Variants in KCNH7 observed in about 807,000 individuals in gnomAD.
The protein encoded by KCNH7 is potassium voltage-gated channel subfamily H member 7.
Under a neutral mutation model 120.8 loss-of-function variants are expected in KCNH7, and 49 were observed. The observed-to-expected ratio is 0.41, with a 90% CI of 0.32 to 0.51. The LOEUF is 0.51. Ranked by LOEUF, KCNH7 falls within the 20% of genes least tolerant of loss-of-function variation. The pLI, the probability that KCNH7 is intolerant of heterozygous loss-of-function variation, is 0.38. For synonymous variants in KCNH7, 547 were observed against 516.1 expected (o/e 1.06, Z -0.81); for missense variants, 1,097 against 1,446.6 (o/e 0.76, Z 3.92).
At chr2:162,436,216 C>A (rs944752553) in intron 7 of KCNH7, among the ~76,000 whole-genome samples, 1 of 152,034 alleles carries the variant, frequency 6.6e-6, no homozygotes, top group Non-Finnish European at 1.5e-5. Context: ...TGCTGAGGAG[C>A]TGACATTTGA....
In KCNH7 at chr2:162,662,493, A is replaced by G. The variant is rs147108009; in HGVS notation, c.308-125413T>C. Among the ~76,000 whole-genome samples, 611 of 152,318 alleles carry G rather than the reference A, an allele frequency of 4.0e-3. 9 individuals are homozygous for G. The highest frequency in any genetic ancestry group is 0.014 in the African/African-American group (583 of 41,574). On this transcript the variant is annotated intron_variant, in intron 2 of 15. Coordinates refer to ENST00000332142, the MANE Select transcript of KCNH7 (RefSeq NM_033272.4). ...AAATACTAGTCAATCAATTTATATG[A>G]TCTATGTAAAAACACAGTTTTATCC...
At chr2:162,376,118 A>G (rs1420713898) in intron 14 of KCNH7, among the ~76,000 whole-genome samples, 2 of 152,106 alleles carry the variant, frequency 1.3e-5, no homozygotes, top group African/African-American at 4.8e-5. Flanking sequence ...AGCAGGCACA[A>G]TGTTAGGTAG....
At chr2:162,755,889 C>T (rs1038360379) in intron 2 of KCNH7, among the ~76,000 whole-genome samples, 8 of 152,062 alleles carry the variant, frequency 5.3e-5, no homozygotes, top group African/African-American at 1.7e-4. Context: ...GTGGTGTATA[C>T]TCAACCAGAG....
At chr2:162,410,307 G>A (rs1687347625) in intron 9 of KCNH7, among the ~76,000 whole-genome samples, 1 of 151,950 alleles carries the variant, frequency 6.6e-6, no homozygotes, top group African/African-American at 2.4e-5. Flanking sequence ...CAACAAAGCT[G>A]ACAATAACAA....
At chr2:162,562,379 T>C (rs1234641463) in intron 2 of KCNH7, among the ~76,000 whole-genome samples, 2 of 152,184 alleles carry the variant, frequency 1.3e-5, no homozygotes, top group Non-Finnish European at 2.9e-5. Flanking sequence ...GGATGTGGGC[T>C]TGACGGCTCC....
chr2:162,678,913 T>G (rs1428354116), intron 2 of KCNH7, among the ~76,000 whole-genome samples: 1 of 151,610 alleles, frequency 6.6e-6, no homozygotes, highest in Non-Finnish European at 1.5e-5. Flanking sequence ...GATTACATAT[T>G]TATACCTAAA....
intron 2 of KCNH7, among the ~76,000 whole-genome samples, chr2:162,725,998 A>G (rs796545251): frequency 2.0e-5 from 3 of 152,346 alleles, no homozygotes; most frequent in African/African-American, 7.2e-5. Context: ...TCATGCTTTT[A>G]AATATTAGCC....
intron 2 of KCNH7, among the ~76,000 whole-genome samples, chr2:162,722,062 C>G (rs558528593): frequency 6.6e-6 from 1 of 152,090 alleles, no homozygotes; most frequent in African/African-American, 2.4e-5. Flanking sequence ...CAACATTTCA[C>G]TAGTACGTAT....
At chr2:162,700,112 T>C (rs1686442322) in intron 2 of KCNH7, among the ~76,000 whole-genome samples, 2 of 152,118 alleles carry the variant, frequency 1.3e-5, no homozygotes, top group South Asian at 4.1e-4. Flanking sequence ...TTTCCTTTCC[T>C]TTTCAGGAAA....
rs533993827 is a variant in KCNH7, at chr2:162,633,922, T to C, written c.308-96842A>G. On this transcript the variant is annotated intron_variant, in intron 2 of 15. Coordinates refer to ENST00000332142, the MANE Select transcript of KCNH7 (RefSeq NM_033272.4). ...TTCATCCAGGACTAAGGCATGCCTT[T>C]GCATTAACTGAAATCTTTGTACATA... 3.3e-5 allele frequency among the ~76,000 whole-genome samples: 5 copies of C among 152,174 alleles called. No homozygotes were observed. In the South Asian group the frequency reaches 1.0e-3, roughly 32 times the overall value.
intron 2 of KCNH7, among the ~76,000 whole-genome samples, chr2:162,682,826 A>G (rs1685758690): frequency 6.6e-6 from 1 of 151,832 alleles, no homozygotes; most frequent in Non-Finnish European, 1.5e-5. Context: ...ATATCACAAC[A>G]TTTATATATA....
intron 6 of KCNH7, among the ~76,000 whole-genome samples, chr2:162,487,506 T>C (rs893679130): frequency 1.6e-4 from 24 of 152,062 alleles, no homozygotes; most frequent in Non-Finnish European, 5.9e-5. Flanking sequence ...GAGAGTGTGT[T>C]CCAGATGATT....
intron 2 of KCNH7, among the ~76,000 whole-genome samples, chr2:162,601,768 G>A (rs1694565821): frequency 6.6e-6 from 1 of 151,860 alleles, no homozygotes. Flanking sequence ...TGTTAAACAT[G>A]GACTGCACTT....
At chr2:162,443,467 T>G (rs911154894) in intron 7 of KCNH7, among the ~76,000 whole-genome samples, 2 of 152,178 alleles carry the variant, frequency 1.3e-5, no homozygotes, top group Non-Finnish European at 1.5e-5. Flanking sequence ...ACCAAAGAAA[T>G]GTTTCAATAA....
At chr2:162,452,420 T>G (rs992082901) in intron 6 of KCNH7, among the ~76,000 whole-genome samples, 5 of 152,040 alleles carry the variant, frequency 3.3e-5, no homozygotes, top group Admixed American at 2.6e-4. Flanking sequence ...TTAGGCAAAT[T>G]TAGATTCCTG....
chr2:162,506,050 A>G (rs1690870197), intron 5 of KCNH7, among the ~76,000 whole-genome samples: 1 of 151,950 alleles, frequency 6.6e-6, no homozygotes, highest in African/African-American at 2.4e-5. Flanking sequence ...TAATCTTAAT[A>G]AATTTTCATG....
At chr2:162,643,053 A>C (rs2105240963) in intron 2 of KCNH7, among the ~76,000 whole-genome samples, 1 of 152,334 alleles carries the variant, frequency 6.6e-6, no homozygotes, top group South Asian at 2.1e-4. Flanking sequence ...AAAGCTTGAA[A>C]CTACACAGCC....
chr2:162,624,656 T>C (rs532902615), intron 2 of KCNH7, among the ~76,000 whole-genome samples: 1 of 152,256 alleles, frequency 6.6e-6, no homozygotes, highest in African/African-American at 2.4e-5. Context: ...TTTAGCTATA[T>C]CATCTGCGAT....
intron 2 of KCNH7, among the ~76,000 whole-genome samples, chr2:162,814,175 A>G (rs1684834320): frequency 6.6e-6 from 1 of 152,246 alleles, no homozygotes; most frequent in Admixed American, 6.5e-5. Context: ...AAAGTGGCAG[A>G]TATACAAGTA....
Sources: gnomAD v4.1 joint callset for allele counts (sites outside exome capture counted in the v4.1 genomes callset) on GRCh38, gnomAD v4.1.1 for gene constraint, MANE v1.5 for transcripts, NCBI Gene and HGNC (gene_info 2026-07-23, HGNC 2026-07-21) for gene names.